CACNB4: variants seen among roughly 807,000 people sequenced by gnomAD.
CACNB4 encodes the protein voltage-dependent L-type calcium channel subunit beta-4.
CACNB4 carries 32 observed loss-of-function variants against 71.2 expected under a neutral mutation model. That is an observed-to-expected ratio of 0.45 (90% CI 0.34 to 0.60). CACNB4 has a LOEUF of 0.60. Ranked by LOEUF, CACNB4 falls within the 20% of genes least tolerant of loss-of-function variation. The pLI is 0.01. For synonymous variants in CACNB4, 231 were observed against 236.9 expected, an observed-to-expected ratio of 0.97 and a Z score of 0.23; for missense variants, 464 against 647.9, an observed-to-expected ratio of 0.72 and a Z score of 3.08.
chr2:152,026,410 G>C (rs982566824), intron 2 of CACNB4, among the ~76,000 whole-genome samples: 1 of 150,832 alleles, frequency 6.6e-6, no homozygotes, highest in African/African-American at 2.5e-5. Flanking sequence ...TTTGAGACAG[G>C]TTCTCGCTCT....
intron 2 of CACNB4, among the ~76,000 whole-genome samples, chr2:152,070,034 AG>A (rs1686594581): frequency 1.3e-5 from 2 of 151,956 alleles, no homozygotes; most frequent in South Asian, 4.2e-4. Context: ...TATTAGAGAC[AG>A]GGTTTCACCG....
chr2:152,041,788 T>C (rs998913229), intron 2 of CACNB4, among the ~76,000 whole-genome samples: 1 of 152,114 alleles, frequency 6.6e-6, no homozygotes, highest in Non-Finnish European at 1.5e-5. Context: ...ATCTTGCAAG[T>C]GATTAAAAGA....
At position 151,833,918 on chromosome 2, in the gene CACNB4, C is replaced by T. The variant is rs990129732; in HGVS notation, c.*5201G>A. The T allele has an allele frequency of 2.0e-5, 3 of 151,956 alleles. No individual in the cohort carries two copies. Among genetic ancestry groups the T allele is most frequent in the African/African-American group, 7.2e-5 (3 of 41,398 alleles). 9.4% of individuals were successfully genotyped at this position (151,956 alleles called of 1,614,324 possible). A position where few individuals can be genotyped will look rare whatever the true frequency, so the allele number is the denominator to read the frequency against. On this transcript the variant is annotated 3_prime_UTR_variant, in exon 14 of 14. Transcript: ENST00000539935. ...ATAGATTTATTTTGGCAATAAAATG[C>T]TTTCATTTTAATAACATCCCAGAAA...
intron 2 of CACNB4, among the ~76,000 whole-genome samples, chr2:151,911,646 T>G (rs1195382855): frequency 6.6e-6 from 1 of 152,224 alleles, no homozygotes; most frequent in Non-Finnish European, 1.5e-5. Context: ...CTTTTTTTTG[T>G]TATACCTCTT....
chr2:152,072,652 T>C (rs1458019446), intron 2 of CACNB4, among the ~76,000 whole-genome samples: 2 of 152,044 alleles, frequency 1.3e-5, no homozygotes, highest in East Asian at 3.8e-4. Context: ...CTTTTCTTTT[T>C]TTTTTTGAGC....
At chr2:151,944,912 G>A (rs966588061) in intron 2 of CACNB4, among the ~76,000 whole-genome samples, 1 of 152,194 alleles carries the variant, frequency 6.6e-6, no homozygotes, top group African/African-American at 2.4e-5. Context: ...ATCCAGTTGT[G>A]AGACAATAGG....
intron 2 of CACNB4, among the ~76,000 whole-genome samples, chr2:151,907,858 A>G (rs2099855186): frequency 6.6e-6 from 1 of 152,224 alleles, no homozygotes; most frequent in Non-Finnish European, 1.5e-5. Flanking sequence ...TGGGCTGAGA[A>G]TATTTCAATC....
At chr2:151,882,315 A>G (rs2099848116) in intron 3 of CACNB4, among the ~76,000 whole-genome samples, 1 of 150,070 alleles carries the variant, frequency 6.7e-6, no homozygotes, top group South Asian at 2.1e-4. Context: ...TAGCTTCCCA[A>G]GTAGCTGGAA....
At chr2:151,847,038 A>G (rs2099837778) in intron 12 of CACNB4, among the ~76,000 whole-genome samples, 1 of 149,480 alleles carries the variant, frequency 6.7e-6, no homozygotes, top group Admixed American at 6.7e-5. Flanking sequence ...AAGAAATAAT[A>G]TGGGTGAGCA....
At chr2:152,062,038 A>C (rs1686047453) in intron 2 of CACNB4, among the ~76,000 whole-genome samples, 1 of 144,094 alleles carries the variant, frequency 6.9e-6, no homozygotes, top group South Asian at 2.1e-4. Flanking sequence ...TAATAATAAT[A>C]ATAATAATAA....
rs1264181149 is a variant in CACNB4 at position 152,098,663 on chromosome 2, C to A, written c.64-250G>T. ...CACCACATCCATTAACAAAGACTCT[C>A]AGGGTGCGGGGTCCGAGTCCCCGGC... On this transcript the variant is annotated intron_variant, in intron 1 of 13. Transcript: ENST00000539935. This position sits in a 1 kb window ranked among gnomAD's most constrained non-coding sequence, Gnocchi z 5.3. The A allele has an allele frequency of 3.8e-6, 6 of 1,568,586 alleles. No individual in the cohort carries two copies. The highest frequency in any genetic ancestry group is 5.2e-6 in the Non-Finnish European group (6 of 1,156,924).
chr2:152,098,456 C>A lies in CACNB4; in HGVS notation c.64-43G>T. 1 of 1,557,224 alleles carries A rather than the reference C, an allele frequency of 6.4e-7. No individual in the cohort carries two copies. The highest frequency in any genetic ancestry group is 8.9e-7 in the Non-Finnish European group (1 of 1,128,642). The stretch of plus-strand genomic sequence containing the variant: ...GGGCCAGAGAGAAGCCGGTGAGGAC[C>A]GCAGCGCAGAGCGGGGCGACCACCC... On this transcript the variant is annotated intron_variant, in intron 1 of 13. Coordinates refer to ENST00000539935, the MANE Select transcript of CACNB4 (RefSeq NM_000726.5). The surrounding 1 kb of genome is among the most constrained non-coding windows in gnomAD (Gnocchi z 5.3).
intron 6 of CACNB4, chr2:151,871,226 C>T (rs2099844549): frequency 4.7e-6 from 1 of 210,864 alleles, no homozygotes; most frequent in South Asian, 1.8e-4. Flanking sequence ...AATGCAATTT[C>T]ATAAAAGGAA....
chr2:151,887,399 T>G (rs1207848873), intron 2 of CACNB4, among the ~76,000 whole-genome samples: 2 of 149,976 alleles, frequency 1.3e-5, no homozygotes, highest in Non-Finnish European at 3.0e-5. Context: ...AGCACAGCAC[T>G]CCAGCCTGGG....
chr2:151,965,774 G>A (rs2099870935), intron 2 of CACNB4, among the ~76,000 whole-genome samples: 1 of 151,822 alleles, frequency 6.6e-6, no homozygotes, highest in Non-Finnish European at 1.5e-5. Context: ...GTGTTTCCAA[G>A]CTCAAATCAC....
intron 2 of CACNB4, among the ~76,000 whole-genome samples, chr2:151,886,268 A>AGAAG (rs572600637): frequency 1.6e-3 from 248 of 152,342 alleles, no homozygotes; most frequent in African/African-American, 5.7e-3. Flanking sequence ...TAAGTCAGGA[A>AGAAG]GAAGGCACTT....
chr2:151,855,142 G>C (rs968723292), intron 11 of CACNB4, 82 bp downstream of exon 11: 12 of 856,954 alleles, frequency 1.4e-5, no homozygotes, highest in Non-Finnish European at 2.0e-5. Flanking sequence ...GTTCTCCTTT[G>C]TCCACTAACA....
At chr2:152,044,333 G>C (rs2105261001) in intron 2 of CACNB4, among the ~76,000 whole-genome samples, 1 of 152,254 alleles carries the variant, frequency 6.6e-6, no homozygotes, top group African/African-American at 2.4e-5. Context: ...CAATTCTCCT[G>C]CCTCAGTCTC....
chr2:151,892,972 TC>T lies in CACNB4; in HGVS notation c.148-9603del, dbSNP rs2099851104. ...CGCAAGTTGACTGAAAAAATTAAAA[TC>T]CAGAAACTGTTTAGAAAAAAATGTT... On this transcript the variant is annotated intron_variant, in intron 2 of 13. Coordinates refer to ENST00000539935, the MANE Select transcript of CACNB4 (RefSeq NM_000726.5). Among the ~76,000 whole-genome samples, 4 of 152,210 alleles carry T rather than the reference TC, an allele frequency of 2.6e-5. No homozygotes were observed. The South Asian group carries it at 8.3e-4, about 32-fold the overall frequency.
Sources: gnomAD v4.1 joint callset for allele counts (sites outside exome capture counted in the v4.1 genomes callset) on GRCh38, gnomAD v4.1.1 for gene constraint, Gnocchi (gnomAD v3.1) non-coding constraint, MANE v1.5 for transcripts, NCBI Gene and HGNC (gene_info 2026-07-23, HGNC 2026-07-21) for gene names.